The following WNK1 variants were observed in gnomAD, a reference collection of about 807,000 sequenced individuals.
WNK1 encodes the protein WNK lysine deficient protein kinase 1, also known as serine/threonine-protein kinase WNK1.
In WNK1, 38 loss-of-function variants were observed where a neutral mutation model predicts 222.8. That is an observed-to-expected ratio of 0.17 (90% CI 0.13 to 0.22). The LOEUF (loss-of-function observed/expected upper bound fraction) is 0.22. Among genes scored for constraint, WNK1 ranks in the 10% least tolerant of loss-of-function variants. The probability of loss-of-function intolerance (pLI) is 1.00; values close to 1 mark genes in which losing one functional copy is unlikely to be tolerated. For missense variants in WNK1, 2,348 were observed against 2,918.4 expected (o/e 0.80, Z 4.50); for synonymous variants, 1,090 against 1,092.9 (o/e 1.00, Z 0.05).
At chr12:901,253 A>T (rs533789043) in intron 26 of WNK1, among the ~76,000 whole-genome samples, 1 of 152,326 alleles carries the variant, frequency 6.6e-6, no homozygotes, top group East Asian at 1.9e-4. Context: ...GTACTGGCTT[A>T]TGTGCCTTTG....
At chr12:871,488 CAA>C in intron 9 of WNK1, 140 bp downstream of exon 9, 1 of 785,048 alleles carries the variant, frequency 1.3e-6, no homozygotes, top group South Asian at 1.6e-5. Context: ...TGTTCAGTAA[CAA>C]AGAAAAAAAA....
chr12:881,771 T>G lies in WNK1; in HGVS notation c.3191T>G (p.Leu1064Trp), dbSNP rs1315871370. 1.2e-6 allele frequency: 2 copies of G among 1,614,108 alleles called. No individual in the cohort carries two copies. The highest frequency in any genetic ancestry group is 2.2e-5 in the South Asian group (2 of 91,088). Residue 1064 changes from leucine (L) to tryptophan (W), a missense_variant, in exon 13 of 28, where the codon TTG becomes TGG. Around this residue, in one of 13 missense-constraint regions of WNK1, gnomAD observed 547 missense variants for 558.3 expected, o/e 0.98. Coordinates refer to ENST00000315939, the MANE Select transcript of WNK1 (RefSeq NM_018979.4). Reference protein sequence around the residue: ...AQTQATQPTTLASSVDSAHSD... With the variant: ...AQTQATQPTTWASSVDSAHSD... Reference sequence around the variant, plus strand: ...ACCCAAGCTACCCAGCCGACCACTTTGGCTTCCTCTGTAGACAGGTACGTA... The same window carrying G: ...ACCCAAGCTACCCAGCCGACCACTTGGGCTTCCTCTGTAGACAGGTACGTA...
At chr12:833,099 G>C (rs550930925) in intron 4 of WNK1, among the ~76,000 whole-genome samples, 195 of 151,728 alleles carry the variant, frequency 1.3e-3, no homozygotes, top group African/African-American at 4.5e-3. Flanking sequence ...GAAAACTTAA[G>C]AGGTATATTT....
At chr12:908,399 TA>T in intron 27 of WNK1, 75 bp from the exon 28 acceptor site, 1 of 1,432,366 alleles carries the variant, frequency 7.0e-7, no homozygotes, top group Non-Finnish European at 9.8e-7. Context: ...AGGATTATAC[TA>T]GAAGTATATG....
At chr12:888,994 T>A in intron 20 of WNK1, 146 bp from the exon 21 acceptor site, 1 of 733,594 alleles carries the variant, frequency 1.4e-6, no homozygotes, top group Non-Finnish European at 2.5e-6. Flanking sequence ...ACACTAAATT[T>A]GAGTATAGTT....
rs145814575 is a variant in WNK1, at chr12:834,297, C to A, written c.1311+4137C>A. Among the ~76,000 whole-genome samples, 4 of 152,296 alleles carry A rather than the reference C, an allele frequency of 2.6e-5. No individual in the cohort carries two copies. The East Asian group carries it at 7.7e-4, about 29-fold the overall frequency. On this transcript the variant is annotated intron_variant, in intron 4 of 27. Coordinates refer to ENST00000315939, the MANE Select transcript of WNK1 (RefSeq NM_018979.4). ...TCCCAAATCCTGTCTCATCTCAGAG[C>A]AGAGAGTTTCCGGTTGGTAATTAAG...
Position 879,776 on chromosome 12 carries a change from A to T in WNK1, c.2577A>T (p.Ser859=). ...TGTCTACGGCTCAGACAGGTTTCTCATCCCTTCCCATCACAATGGCAGCTG... is the reference window on the plus strand; with the variant it reads ...TGTCTACGGCTCAGACAGGTTTCTCTTCCCTTCCCATCACAATGGCAGCTG... The part of the protein sequence containing the change: ...PHVSTAQTGF[S]SLPITMAAGI... Residue 859 remains serine, a synonymous_variant, in exon 11 of 28, where the codon TCA becomes TCT. Coordinates refer to ENST00000315939, the MANE Select transcript of WNK1 (RefSeq NM_018979.4). 6.2e-7 allele frequency: 1 copy of T among 1,613,844 alleles called. No individual in the cohort carries two copies. Among genetic ancestry groups the T allele is most frequent in the Non-Finnish European group, 8.5e-7 (1 of 1,179,978 alleles).
At chr12:907,596 G>C (rs961432209) in intron 26 of WNK1, 19 of 547,576 alleles carry the variant, frequency 3.5e-5, no homozygotes, top group Non-Finnish European at 5.6e-5. Flanking sequence ...AGAGGCCCCT[G>C]CCTGTGTACC....
At chr12:793,093 C>G (rs183020522) in intron 1 of WNK1, among the ~76,000 whole-genome samples, 6 of 152,144 alleles carry the variant, frequency 3.9e-5, no homozygotes, top group Non-Finnish European at 8.8e-5. Flanking sequence ...ATATGATCCT[C>G]CTGTACCTAA....
chr12:797,326 T>A (rs1329052282), intron 1 of WNK1, among the ~76,000 whole-genome samples: 1 of 152,244 alleles, frequency 6.6e-6, no homozygotes, highest in East Asian at 1.9e-4. Context: ...TTAGCTAGAG[T>A]TTAGTAACAT....
intron 4 of WNK1, chr12:851,477 T>A (rs1428469072): frequency 1.7e-6 from 2 of 1,149,140 alleles, no homozygotes; most frequent in Non-Finnish European, 1.1e-6. Context: ...TTTCCTGCTG[T>A]TGGGCATGCA....
chr12:881,377 G>C, intron 12 of WNK1: 1 of 459,106 alleles, frequency 2.2e-6, no homozygotes. Context: ...ATTCATCTTT[G>C]TACTATGCTC....
chr12:897,149 T>A (rs2154095374), intron 24 of WNK1, among the ~76,000 whole-genome samples: 1 of 152,360 alleles, frequency 6.6e-6, no homozygotes, highest in Middle Eastern at 3.4e-3. Context: ...GGCACTGGGA[T>A]GTATGATTAT....
At position 908,861 on chromosome 12, in the gene WNK1, G is replaced by GGGGGA; in HGVS notation, c.*69_*70insGGGGA. On this transcript the variant is annotated 3_prime_UTR_variant, in exon 28 of 28. Coordinates refer to ENST00000315939, the MANE Select transcript of WNK1 (RefSeq NM_018979.4). ...ATGCTGAGGGGGTGGGTGGGGGTGG[G>GGGGGA]AAGTAGCCTATATACTAACTACTAG... 1 of 491,846 alleles carries GGGGGA rather than the reference G, an allele frequency of 2.0e-6. No individual in the cohort carries two copies. The highest frequency in any genetic ancestry group is 1.5e-5 in the South Asian group (1 of 66,948). 30.5% of individuals were successfully genotyped at this position (491,846 alleles called of 1,614,324 possible).
At chr12:826,542 A>T (rs1324534704) in intron 2 of WNK1, among the ~76,000 whole-genome samples, 1 of 152,224 alleles carries the variant, frequency 6.6e-6, no homozygotes, top group Non-Finnish European at 1.5e-5. Flanking sequence ...GCCTTCAAGT[A>T]ATAGTTGTTT....
chr12:754,574 C>T (rs1009365199), intron 1 of WNK1, among the ~76,000 whole-genome samples: 3 of 152,184 alleles, frequency 2.0e-5, no homozygotes, highest in African/African-American at 4.8e-5. Context: ...CATCTTAGTA[C>T]AAACGAATTG....
At chr12:797,445 G>C (rs1021246176) in intron 1 of WNK1, among the ~76,000 whole-genome samples, 2 of 152,144 alleles carry the variant, frequency 1.3e-5, no homozygotes, top group Non-Finnish European at 2.9e-5. Flanking sequence ...TAAAAAGGTA[G>C]ATTTTGGGGG....
At chr12:872,305 G>T (rs1395430138) in intron 9 of WNK1, among the ~76,000 whole-genome samples, 1 of 151,722 alleles carries the variant, frequency 6.6e-6, no homozygotes, top group Non-Finnish European at 1.5e-5. Flanking sequence ...TTTGTATTAC[G>T]TTCTACTTAT....
intron 4 of WNK1, among the ~76,000 whole-genome samples, chr12:855,906 C>T (rs1950746047): frequency 6.6e-6 from 1 of 151,944 alleles, no homozygotes; most frequent in African/African-American, 2.4e-5. Flanking sequence ...GTGGCTTGAT[C>T]TCAGCTCACT....
Sources: allele counts gnomAD v4.1 joint callset (sites outside exome capture counted in the v4.1 genomes callset), GRCh38; gene constraint gnomAD v4.1.1; regional missense constraint gnomAD v4.1.1; transcripts MANE v1.5; gene names NCBI Gene and HGNC (gene_info 2026-07-23, HGNC 2026-07-21).